The following SPTB variants were observed in gnomAD, a reference collection of about 807,000 sequenced individuals.
SPTB encodes the protein spectrin beta chain, erythrocytic.
In SPTB, 45 loss-of-function variants were observed where a neutral mutation model predicts 256.2. The ratio of observed to expected loss-of-function variants is 0.18; its 90% CI spans 0.14 to 0.23. The LOEUF is 0.23. Ranked by LOEUF, SPTB falls within the 10% of genes least tolerant of loss-of-function variation. The pLI, the probability that SPTB is intolerant of heterozygous loss-of-function variation, is 1.00. For missense variants in SPTB, 2,715 were observed against 3,040.4 expected (o/e 0.89, Z 2.52); for synonymous variants, 1,231 against 1,243.1 (o/e 0.99, Z 0.21).
At chr14:64,832,184 C>G (rs902411610) in intron 1 of SPTB, among the ~76,000 whole-genome samples, 1 of 152,216 alleles carries the variant, frequency 6.6e-6, no homozygotes, top group Non-Finnish European at 1.5e-5. Flanking sequence ...AGTCACTCAA[C>G]TCACTGAAAT....
intron 1 of SPTB, among the ~76,000 whole-genome samples, chr14:64,870,006 T>A (rs889675558): frequency 4.6e-5 from 7 of 152,110 alleles, no homozygotes; most frequent in Non-Finnish European, 8.8e-5. Context: ...AGAGGTTTTG[T>A]TTTGTTTTGT....
At chr14:64,839,057 G>A (rs1333927381) in intron 1 of SPTB, among the ~76,000 whole-genome samples, 6 of 151,830 alleles carry the variant, frequency 4.0e-5, no homozygotes, top group East Asian at 1.9e-4. Context: ...GCTTGAACCC[G>A]GGAGGCAGAG....
In SPTB at chr14:64,786,320, G is replaced by T; in HGVS notation, c.3561+84C>A. The T allele has an allele frequency of 6.5e-7, 1 of 1,550,234 alleles. No individual in the cohort carries two copies. The highest frequency in any genetic ancestry group is 8.9e-7 in the Non-Finnish European group (1 of 1,128,338). Reference sequence around the variant, plus strand: ...ACAAGACAAGAGTAATGTGGTCCCTGAGTCTTACAGCACATTTGTGGACTC... The same window carrying T: ...ACAAGACAAGAGTAATGTGGTCCCTTAGTCTTACAGCACATTTGTGGACTC... On this transcript the variant is annotated intron_variant, in intron 16 of 35. Transcript: ENST00000644917. This position sits in a 1 kb window ranked among gnomAD's most constrained non-coding sequence, Gnocchi z 5.6.
chr14:64,791,606 G>C, intron 15 of SPTB, 113 bp downstream of exon 15: 1 of 860,836 alleles, frequency 1.2e-6, no homozygotes. Context: ...GGAATGTTGA[G>C]GGTATAGAAG....
chr14:64,832,822 G>A (rs2083468706), intron 1 of SPTB, among the ~76,000 whole-genome samples: 2 of 151,884 alleles, frequency 1.3e-5, no homozygotes, highest in Admixed American at 6.6e-5. Context: ...TATCTCCACC[G>A]CTCCCCACAC....
rs2083003933 is a variant in SPTB at position 64,807,344 on chromosome 14, T to C, written c.149-2254A>G. On this transcript the variant is annotated intron_variant, in intron 2 of 35. Transcript: ENST00000644917. This position sits in a 1 kb window ranked among gnomAD's most constrained non-coding sequence, Gnocchi z 4.7. ...CAAAGGGTAAGGGAGTGATTCTAGC[T>C]GGGAACATGGATTAATTCTAGGCCA... Among the ~76,000 whole-genome samples the C allele has an allele frequency of 6.6e-6, 1 of 152,214 alleles. No individual in the cohort carries two copies. The highest frequency in any genetic ancestry group is 6.5e-5 in the Admixed American group (1 of 15,286).
Position 64,807,511 on chromosome 14 carries a change from C to A in SPTB, c.149-2421G>T, listed in dbSNP as rs910460436. ...GCACAGGCAGGTGGCCTCCTAGCTG[C>A]CTTTTATTTGAAGGCTGGAGTGAAA... On this transcript the variant is annotated intron_variant, in intron 2 of 35. Coordinates refer to ENST00000644917, the MANE Select transcript of SPTB (RefSeq NM_001355436.2). The surrounding 1 kb of genome is among the most constrained non-coding windows in gnomAD (Gnocchi z 4.7). 6.6e-6 allele frequency among the ~76,000 whole-genome samples: 1 copy of A among 152,194 alleles called. No individual in the cohort carries two copies. The highest frequency in any genetic ancestry group is 2.4e-5 in the African/African-American group (1 of 41,452).
Position 64,796,607 on chromosome 14 carries a change from C to A in SPTB, c.1291G>T (p.Ala431Ser), listed in dbSNP as rs1195596537. 1.9e-6 allele frequency: 3 copies of A among 1,614,110 alleles called. No homozygotes were observed. The highest frequency in any genetic ancestry group is 1.7e-5 in the Admixed American group (1 of 60,008). Residue 431 changes from alanine (A) to serine (S), a missense_variant, in exon 11 of 36, where the codon GCC (alanine) becomes TCC (serine). Around this residue, in one of 4 missense-constraint regions of SPTB, gnomAD observed 416 missense variants for 571.1 expected, o/e 0.73. Coordinates refer to ENST00000644917, the MANE Select transcript of SPTB (RefSeq NM_001355436.2). This position sits in a 1 kb window ranked among gnomAD's most constrained non-coding sequence, Gnocchi z 4.1. ...EQLARRFDRKAAMRETWLSEN... is the reference protein window; with the variant it reads ...EQLARRFDRKSAMRETWLSEN... ...CTGAGCCAGGTCTCTCTCATTGCGG[C>A]CTTCCGGTCAAAGCGCCGGGCCAGT... is the stretch of plus-strand genomic sequence containing the variant.
chr14:64,749,181 C>A lies in SPTB; in HGVS notation c.*125G>T. 8.2e-7 allele frequency: 1 copy of A among 1,225,344 alleles called. No homozygotes were observed. Among genetic ancestry groups the A allele is most frequent in the South Asian group, 1.4e-5 (1 of 72,792 alleles). The allele number at this position is 1,225,344 out of a possible 1,614,324, so 75.9% of individuals were successfully genotyped here. A position where few individuals can be genotyped will look rare whatever the true frequency, so the allele number is the denominator to read the frequency against. Reference sequence around the variant, plus strand: ...AGCTTTTGCAGTGCAGCGTGGGGCCCGGGGGCCCGGCCCGCGACTCGACTC... The same window carrying A: ...AGCTTTTGCAGTGCAGCGTGGGGCCAGGGGGCCCGGCCCGCGACTCGACTC... On this transcript the variant is annotated 3_prime_UTR_variant, in exon 36 of 36. Transcript: ENST00000644917. The surrounding 1 kb of genome is among the most constrained non-coding windows in gnomAD (Gnocchi z 4.7).
At chr14:64,839,038 C>G (rs1020568296) in intron 1 of SPTB, among the ~76,000 whole-genome samples, 2 of 151,518 alleles carry the variant, frequency 1.3e-5, no homozygotes, top group Non-Finnish European at 2.9e-5. Flanking sequence ...GAGGCTGAGG[C>G]GGAGAATTGC....
chr14:64,775,531 T>C lies in SPTB; in HGVS notation c.4564-128A>G. ...CCCGTTGCTAGAGCAGAGCAGGTGA[T>C]GGCGATAAGAACTACCAATGACCTC... is the stretch of plus-strand genomic sequence containing the variant. On this transcript the variant is annotated intron_variant, in intron 22 of 35. Transcript: ENST00000644917. The surrounding 1 kb of genome is among the most constrained non-coding windows in gnomAD (Gnocchi z 5.0). 2 of 1,268,684 alleles carry C rather than the reference T, an allele frequency of 1.6e-6. No individual in the cohort carries two copies. The highest frequency in any genetic ancestry group is 2.1e-6 in the Non-Finnish European group (2 of 934,176). 78.6% of individuals were successfully genotyped at this position (1,268,684 alleles called of 1,614,324 possible).
Position 64,749,774 on chromosome 14 carries a change from A to G in SPTB, c.6777-78T>C, listed in dbSNP as rs116792609. The G allele has an allele frequency of 2.0e-4, 315 of 1,568,868 alleles. No homozygotes were observed. The African/African-American group carries it at 3.5e-3, about 18-fold the overall frequency. The stretch of plus-strand genomic sequence containing the variant: ...GGCAGAGGGCTGGCTCTGATCCCAC[A>G]ATACCCTGAGCCGAACATCCAGACC... On this transcript the variant is annotated intron_variant, in intron 34 of 35. Coordinates refer to ENST00000644917, the MANE Select transcript of SPTB (RefSeq NM_001355436.2). This position sits in a 1 kb window ranked among gnomAD's most constrained non-coding sequence, Gnocchi z 4.7.
At position 64,790,806 on chromosome 14, in the gene SPTB, C is replaced by T. The variant is rs2082656030; in HGVS notation, c.2804+913G>A. Among the ~76,000 whole-genome samples, 1 of 152,162 alleles carries T rather than the reference C, an allele frequency of 6.6e-6. No homozygotes were observed. The highest frequency in any genetic ancestry group is 6.5e-5 in the Admixed American group (1 of 15,284). On this transcript the variant is annotated intron_variant, in intron 15 of 35. Coordinates refer to ENST00000644917, the MANE Select transcript of SPTB (RefSeq NM_001355436.2). The surrounding 1 kb of genome is among the most constrained non-coding windows in gnomAD (Gnocchi z 4.8). ...TAAAGACAGGGAATGCAGGCATTTG[C>T]GGTGTCCTCAAAGATCCTCCAGGAA...
chr14:64,842,421 G>T (rs2083621362), intron 1 of SPTB, among the ~76,000 whole-genome samples: 1 of 152,150 alleles, frequency 6.6e-6, no homozygotes, highest in Admixed American at 6.5e-5. Flanking sequence ...GGGGGTAGTG[G>T]TTAGGTATAT....
At chr14:64,799,365 G>A (rs1464849679) in intron 9 of SPTB, among the ~76,000 whole-genome samples, 1 of 152,228 alleles carries the variant, frequency 6.6e-6, no homozygotes, top group Non-Finnish European at 1.5e-5. Context: ...CATGCAGAGA[G>A]CTCAGGGGCT....
At chr14:64,872,143 G>T (rs1339400059) in intron 1 of SPTB, among the ~76,000 whole-genome samples, 1 of 151,614 alleles carries the variant, frequency 6.6e-6, no homozygotes, top group Non-Finnish European at 1.5e-5. Flanking sequence ...GACAAAAACA[G>T]AAATTAAAAA....
chr14:64,802,197 T>G lies in SPTB; in HGVS notation c.566+29A>C, dbSNP rs766432478. 6.2e-7 allele frequency: 1 copy of G among 1,605,988 alleles called. No homozygotes were observed. The highest frequency in any genetic ancestry group is 8.5e-7 in the Non-Finnish European group (1 of 1,172,576). On this transcript the variant is annotated intron_variant, in intron 5 of 35. Transcript: ENST00000644917. The surrounding 1 kb of genome is among the most constrained non-coding windows in gnomAD (Gnocchi z 5.1). ...TGCGGAGCAAGGGGCTGGTGGTGGATGTGCTAACAGCTGGTTCCCAGGGCA... is the reference window on the plus strand; with the variant it reads ...TGCGGAGCAAGGGGCTGGTGGTGGAGGTGCTAACAGCTGGTTCCCAGGGCA...
rs2082736127 is a variant in SPTB at position 64,794,737 on chromosome 14, C to G, written c.1645-120G>C. 3 of 1,318,514 alleles carry G rather than the reference C, an allele frequency of 2.3e-6. No homozygotes were observed. The South Asian group carries it at 3.6e-5, about 16-fold the overall frequency. 81.7% of individuals were successfully genotyped at this position (1,318,514 alleles called of 1,614,324 possible). On this transcript the variant is annotated intron_variant, in intron 12 of 35. Coordinates refer to ENST00000644917, the MANE Select transcript of SPTB (RefSeq NM_001355436.2). ...CTGAGCAAGGGTGAGCCAAATGCAG[C>G]CAGAAAAGGGCTGCTGCTGAGGATG...
At chr14:64,877,933 C>G (rs1483512482) in intron 1 of SPTB, among the ~76,000 whole-genome samples, 1 of 152,204 alleles carries the variant, frequency 6.6e-6, no homozygotes, top group Non-Finnish European at 1.5e-5. Flanking sequence ...AAGCATTGAT[C>G]AGAGCCAAAG....
Sources: allele counts gnomAD v4.1 joint callset (sites outside exome capture counted in the v4.1 genomes callset), GRCh38; gene constraint gnomAD v4.1.1; regional missense constraint gnomAD v4.1.1; non-coding constraint Gnocchi (gnomAD v3.1); transcripts MANE v1.5; gene names NCBI Gene and HGNC (gene_info 2026-07-23, HGNC 2026-07-21).